HDAC9: variants seen among roughly 807,000 people sequenced by gnomAD.
The protein encoded by HDAC9 is MEF-2 interacting transcription repressor (MITR) protein.
In HDAC9, 41 loss-of-function variants were observed where a neutral mutation model predicts 139.4. The ratio of observed to expected loss-of-function variants is 0.29; its 90% CI spans 0.23 to 0.38. The LOEUF is 0.38. HDAC9 is among the 10% of genes least tolerant of loss of function. HDAC9 has a pLI of 1.00. For missense variants in HDAC9, 1,147 were observed against 1,297.0 expected, an observed-to-expected ratio of 0.88 and a Z score of 1.78; for synonymous variants, 517 against 476.2, an observed-to-expected ratio of 1.09 and a Z score of -1.12.
At chr7:18,856,768 T>C (rs1031364954) in intron 21 of HDAC9, among the ~76,000 whole-genome samples, 1 of 152,178 alleles carries the variant, frequency 6.6e-6, no homozygotes, top group African/African-American at 2.4e-5. Flanking sequence ...ATTTTTTTGG[T>C]GAATGTGAAC....
At chr7:18,569,903 T>C (rs1823682705) in intron 2 of HDAC9, among the ~76,000 whole-genome samples, 1 of 152,200 alleles carries the variant, frequency 6.6e-6, no homozygotes, top group Admixed American at 6.5e-5. Context: ...GTCTATCTTT[T>C]CAAATCTTTT....
intron 2 of HDAC9, among the ~76,000 whole-genome samples, chr7:18,532,983 C>T (rs922442069): frequency 5.9e-5 from 9 of 152,054 alleles, no homozygotes; most frequent in Admixed American, 1.3e-4. Flanking sequence ...TGTGTGTGCA[C>T]ACACACAAAT....
At chr7:18,896,050 G>T (rs1316738322) in intron 22 of HDAC9, among the ~76,000 whole-genome samples, 1 of 152,128 alleles carries the variant, frequency 6.6e-6, no homozygotes, top group East Asian at 1.9e-4. Flanking sequence ...TAATGCCGAA[G>T]GGAAACATCA....
intron 22 of HDAC9, among the ~76,000 whole-genome samples, chr7:18,907,989 T>A (rs1252601379): frequency 6.6e-6 from 1 of 152,146 alleles, no homozygotes; most frequent in Non-Finnish European, 1.5e-5. Flanking sequence ...ATAGAATGTT[T>A]TATTCTAAAG....
At chr7:18,897,236 A>G (rs1801282947) in intron 22 of HDAC9, among the ~76,000 whole-genome samples, 1 of 152,008 alleles carries the variant, frequency 6.6e-6, no homozygotes, top group Non-Finnish European at 1.5e-5. Flanking sequence ...AATTATTTGT[A>G]ACAGAGTGTG....
At chr7:18,520,306 C>T (rs1046040350) in intron 2 of HDAC9, among the ~76,000 whole-genome samples, 1 of 152,074 alleles carries the variant, frequency 6.6e-6, no homozygotes, top group Non-Finnish European at 1.5e-5. Flanking sequence ...TTTTATTATA[C>T]TGTCCTATTC....
chr7:18,785,092 C>G (rs1791597421), intron 16 of HDAC9, among the ~76,000 whole-genome samples: 1 of 151,876 alleles, frequency 6.6e-6, no homozygotes. Flanking sequence ...GATAAAATTG[C>G]AGTACTTTCC....
intron 1 of HDAC9, among the ~76,000 whole-genome samples, chr7:18,158,888 T>G (rs1005605289): frequency 9.2e-5 from 14 of 152,242 alleles, no homozygotes; most frequent in African/African-American, 3.1e-4. Flanking sequence ...TGTCACTGTC[T>G]TGAGTTGTTG....
At chr7:18,175,613 T>C (rs770691713) in intron 2 of HDAC9, among the ~76,000 whole-genome samples, 4 of 152,242 alleles carry the variant, frequency 2.6e-5, no homozygotes, top group Non-Finnish European at 4.4e-5. Context: ...CATAGTTTTA[T>C]AATGCATGCC....
rs1797011509 is a variant in HDAC9 at position 18,496,626 on chromosome 7, A to G, written c.22+302A>G. On this transcript the variant is annotated intron_variant, in intron 2 of 25. Coordinates refer to ENST00000686413, the MANE Select transcript of HDAC9 (RefSeq NM_178425.4). ...TTTTGCCTTTACTATGCAACTAGAA[A>G]AAGGAGCTGTGTACTGATTGTAAGC... The G allele has an allele frequency of 1.9e-5, 7 of 375,028 alleles. No homozygotes were observed. The South Asian group carries it at 2.9e-4, about 16-fold the overall frequency. 23.2% of individuals were successfully genotyped at this position (375,028 alleles called of 1,614,324 possible). A position where few individuals can be genotyped will look rare whatever the true frequency, so the allele number is the denominator to read the frequency against.
chr7:18,749,549 C>G (rs1179292401), intron 14 of HDAC9, among the ~76,000 whole-genome samples: 1 of 152,194 alleles, frequency 6.6e-6, no homozygotes, highest in Non-Finnish European at 1.5e-5. Context: ...AAAATATCAA[C>G]TGTCCTCTTA....
In HDAC9 at chr7:18,749,158, ACT is replaced by A. The variant is rs909713783; in HGVS notation, c.2043+23_2043+24del. 6.2e-7 allele frequency: 1 copy of A among 1,611,518 alleles called. No homozygotes were observed. The highest frequency in any genetic ancestry group is 1.7e-5 in the Admixed American group (1 of 59,730). ...TGTGAGGTAATCCAGAATTGGACAC[ACT>A]CTTTTACTTACTTAAATAAATCATG... On this transcript the variant is annotated intron_variant, in intron 14 of 25. Transcript: ENST00000686413.
intron 2 of HDAC9, among the ~76,000 whole-genome samples, chr7:18,204,638 T>C (rs1349731927): frequency 6.6e-6 from 1 of 152,182 alleles, no homozygotes; most frequent in African/African-American, 2.4e-5. Context: ...TGCATTGCTT[T>C]GGTAAATAAA....
At chr7:18,507,491 CTATTAT>C (rs1300104838) in intron 2 of HDAC9, among the ~76,000 whole-genome samples, 1 of 150,972 alleles carries the variant, frequency 6.6e-6, no homozygotes, top group East Asian at 2.0e-4. Context: ...CCGCACCCGG[CTATTAT>C]TATTATTATT....
At chr7:18,175,677 C>T (rs1320019356) in intron 2 of HDAC9, among the ~76,000 whole-genome samples, 2 of 151,590 alleles carry the variant, frequency 1.3e-5, no homozygotes, top group African/African-American at 4.8e-5. Flanking sequence ...ATGAAAGACT[C>T]ATGACCATAT....
chr7:18,845,320 T>G (rs914814673), intron 21 of HDAC9, among the ~76,000 whole-genome samples: 1 of 152,126 alleles, frequency 6.6e-6, no homozygotes, highest in Non-Finnish European at 1.5e-5. Flanking sequence ...CTGGCACAGG[T>G]CTCTAAACAT....
rs569381769 is a variant in HDAC9 at position 18,997,128 on chromosome 7, G to A, written c.*1066G>A. On this transcript the variant is annotated 3_prime_UTR_variant, in exon 26 of 26. Coordinates refer to ENST00000686413, the MANE Select transcript of HDAC9 (RefSeq NM_178425.4). The stretch of plus-strand genomic sequence containing the variant: ...TTTAGTTTATTTTGTTTACTTTACA[G>A]GTTAACACAGTTGTTTTGTCTGATT... The A allele has an allele frequency of 1.3e-5, 2 of 152,006 alleles. No individual in the cohort carries two copies. The highest frequency in any genetic ancestry group is 2.9e-5 in the Non-Finnish European group (2 of 68,002). 9.4% of individuals were successfully genotyped at this position (152,006 alleles called of 1,614,324 possible). A position where few individuals can be genotyped will look rare whatever the true frequency, so the allele number is the denominator to read the frequency against.
chr7:18,931,794 TA>T (rs1261974491), intron 22 of HDAC9, among the ~76,000 whole-genome samples: 1 of 152,150 alleles, frequency 6.6e-6, no homozygotes, highest in Non-Finnish European at 1.5e-5. Flanking sequence ...CTTTTCAAAC[TA>T]AAGACTATGA....
intron 1 of HDAC9, among the ~76,000 whole-genome samples, chr7:18,385,554 T>C (rs963390544): frequency 9.2e-5 from 14 of 152,196 alleles, no homozygotes; most frequent in Non-Finnish European, 1.5e-4. Flanking sequence ...TCCTCTTCTG[T>C]TGACAGGAGA....
Sources: allele counts gnomAD v4.1 joint callset (sites outside exome capture counted in the v4.1 genomes callset), GRCh38; gene constraint gnomAD v4.1.1; transcripts MANE v1.5; gene names NCBI Gene and HGNC (gene_info 2026-07-23, HGNC 2026-07-21).